Variants in GALNTL5 observed in about 807,000 individuals in gnomAD.
GALNTL5 encodes the protein inactive polypeptide N-acetylgalactosaminyltransferase-like protein 5.
GALNTL5 carries 44 observed loss-of-function variants against 51.0 expected under a neutral mutation model. The observed-to-expected ratio is 0.86, with a 90% CI of 0.68 to 1.11. The LOEUF is 1.11. Ranked by LOEUF, GALNTL5 falls within the 50% of genes least tolerant of loss-of-function variation. GALNTL5 has a pLI of 0.00. For synonymous variants in GALNTL5, 192 were observed against 182.8 expected, an observed-to-expected ratio of 1.05 and a Z score of -0.41; for missense variants, 528 against 531.8, an observed-to-expected ratio of 0.99 and a Z score of 0.07.
chr7:151,968,501 C>T (rs1000772664), intron 2 of GALNTL5, among the ~76,000 whole-genome samples: 1 of 152,164 alleles, frequency 6.6e-6, no homozygotes, highest in Non-Finnish European at 1.5e-5. Context: ...ACTACTCCAG[C>T]GTGTGACACA....
intron 1 of GALNTL5, among the ~76,000 whole-genome samples, chr7:151,966,666 C>A (rs2081064563): frequency 6.6e-6 from 1 of 152,240 alleles, no homozygotes; most frequent in African/African-American, 2.4e-5. Flanking sequence ...ACTTATGAGT[C>A]TCTTTAGGAT....
In GALNTL5 at chr7:151,987,087, A is replaced by G. The variant is rs2081367742; in HGVS notation, c.536-72A>G. Reference sequence around the variant, plus strand: ...ATAGCATGGATTTTAGGAATACGTCATAATGATGATACACTGTTTCAATTT... The same window carrying G: ...ATAGCATGGATTTTAGGAATACGTCGTAATGATGATACACTGTTTCAATTT... On this transcript the variant is annotated intron_variant, in intron 4 of 8. Coordinates refer to ENST00000392800, the MANE Select transcript of GALNTL5 (RefSeq NM_145292.4). The G allele has an allele frequency of 4.6e-6, 6 of 1,304,156 alleles. No homozygotes were observed. In the South Asian group the frequency reaches 8.7e-5, roughly 19 times the overall value. 80.8% of individuals were successfully genotyped at this position (1,304,156 alleles called of 1,614,324 possible).
intron 3 of GALNTL5, among the ~76,000 whole-genome samples, chr7:151,972,280 C>CT (rs1030674414): frequency 8.5e-5 from 13 of 152,190 alleles, no homozygotes; most frequent in Admixed American, 1.3e-4. Flanking sequence ...TCTTGTTATG[C>CT]TTTAGCAAAG....
At chr7:151,990,806 C>T (rs1326015855) in intron 5 of GALNTL5, among the ~76,000 whole-genome samples, 1 of 151,896 alleles carries the variant, frequency 6.6e-6, no homozygotes, top group South Asian at 2.1e-4. Context: ...ACTTTGGAGG[C>T]TCTGGGTTGA....
chr7:151,972,332 C>A (rs2081154906), intron 3 of GALNTL5, among the ~76,000 whole-genome samples: 1 of 152,254 alleles, frequency 6.6e-6, no homozygotes, highest in South Asian at 2.1e-4. Flanking sequence ...ATCTATGGAA[C>A]TTTGAACTTG....
intron 2 of GALNTL5, among the ~76,000 whole-genome samples, chr7:151,968,032 A>G (rs1299070726): frequency 6.6e-6 from 1 of 152,176 alleles, no homozygotes; most frequent in Non-Finnish European, 1.5e-5. Context: ...ATGGTGGCTC[A>G]CACATGTAAT....
At chr7:151,980,696 A>ACTGTTTTT (rs2081267455) in intron 3 of GALNTL5, among the ~76,000 whole-genome samples, 1 of 134,746 alleles carries the variant, frequency 7.4e-6, no homozygotes, top group African/African-American at 2.9e-5. Flanking sequence ...CTCCTTTCCC[A>ACTGTTTTT]CTGTTTTTCC....
intron 5 of GALNTL5, among the ~76,000 whole-genome samples, chr7:152,000,747 G>A (rs193037959): frequency 4.9e-4 from 74 of 152,094 alleles, no homozygotes; most frequent in African/African-American, 1.1e-3. Flanking sequence ...AATCTCTTGC[G>A]CATTTTAAAT....
intron 5 of GALNTL5, among the ~76,000 whole-genome samples, chr7:152,000,444 C>T (rs1051972104): frequency 4.6e-5 from 7 of 152,202 alleles, no homozygotes; most frequent in Non-Finnish European, 5.9e-5. Context: ...CAGCCACACA[C>T]CCTCAGAGAA....
In GALNTL5 at chr7:152,002,798, C is replaced by A. The variant is rs2151956953; in HGVS notation, c.743C>A (p.Pro248His). The change falls in exon 6 of 9, where the codon CCC becomes CAC. Residue 248 changes from proline (P) to histidine (H), a missense_variant. By Grantham distance (77) the Pro-to-His change is moderately conservative (BLOSUM62 -2). Transcript: ENST00000392800. ...EPLLHAIAKD[P>H]KMVVCPLIDV... ...CTGCTGCATGCCATTGCCAAGGACC[C>A]CAAAATGGTGGTGTGCCCCCTGATA... 1 of 1,614,132 alleles carries A rather than the reference C, an allele frequency of 6.2e-7. No individual in the cohort carries two copies. The highest frequency in any genetic ancestry group is 2.2e-5 in the East Asian group (1 of 44,872).
intron 5 of GALNTL5, among the ~76,000 whole-genome samples, chr7:151,997,230 G>A (rs1013939683): frequency 7.9e-5 from 12 of 152,170 alleles, no homozygotes; most frequent in African/African-American, 2.4e-4. Context: ...TTGACCTCAC[G>A]CCCTTTACTC....
intron 3 of GALNTL5, among the ~76,000 whole-genome samples, chr7:151,982,497 C>T (rs1270371435): frequency 6.6e-6 from 1 of 152,086 alleles, no homozygotes; most frequent in Non-Finnish European, 1.5e-5. Flanking sequence ...ATCTGCTATA[C>T]TTTTTTGTTG....
intron 1 of GALNTL5, among the ~76,000 whole-genome samples, chr7:151,966,406 TACAGGTG>T (rs1252214285): frequency 1.3e-5 from 2 of 152,246 alleles, no homozygotes; most frequent in South Asian, 4.1e-4. Context: ...TAGCTGGGAT[TACAGGTG>T]CCTGCCACAA....
intron 8 of GALNTL5, among the ~76,000 whole-genome samples, chr7:152,015,702 C>T (rs2081804443): frequency 6.6e-6 from 1 of 152,088 alleles, no homozygotes; most frequent in African/African-American, 2.4e-5. Context: ...GCTGATTTCC[C>T]AAGCAATGTG....
At chr7:152,002,678 A>T in intron 5 of GALNTL5, 36 bp from the exon 6 acceptor site, 2 of 1,601,826 alleles carry the variant, frequency 1.2e-6, no homozygotes, top group Non-Finnish European at 1.7e-6. Context: ...TTTTTCAGCT[A>T]TGTGGACTAA....
intron 5 of GALNTL5, among the ~76,000 whole-genome samples, chr7:151,996,036 A>G (rs1052762609): frequency 1.3e-5 from 2 of 152,180 alleles, no homozygotes; most frequent in African/African-American, 4.8e-5. Flanking sequence ...ATTTAATAGT[A>G]TAGTTGCTTC....
intron 3 of GALNTL5, among the ~76,000 whole-genome samples, chr7:151,973,219 G>A (rs1051627027): frequency 3.0e-4 from 46 of 152,104 alleles, no homozygotes; most frequent in African/African-American, 1.1e-3. Context: ...CACTTTGGGA[G>A]GCTAAGGCAG....
At chr7:151,976,399 C>A (rs2081205674) in intron 3 of GALNTL5, among the ~76,000 whole-genome samples, 1 of 152,038 alleles carries the variant, frequency 6.6e-6, no homozygotes, top group African/African-American at 2.4e-5. Flanking sequence ...TCTCTTTTTG[C>A]AATTTTTGAC....
chr7:151,961,397 C>T (rs2080989678), intron 1 of GALNTL5, among the ~76,000 whole-genome samples: 2 of 151,956 alleles, frequency 1.3e-5, no homozygotes, highest in African/African-American at 4.8e-5. Flanking sequence ...GTCCCAACTA[C>T]CTGGGAGCCT....
Sources: allele counts gnomAD v4.1 joint callset (sites outside exome capture counted in the v4.1 genomes callset), GRCh38; gene constraint gnomAD v4.1.1; transcripts MANE v1.5; gene names NCBI Gene and HGNC (gene_info 2026-07-23, HGNC 2026-07-21).